Variants in ANO6 observed in about 807,000 individuals in gnomAD.
The protein encoded by ANO6 is anoctamin-6.
In ANO6, 106 loss-of-function variants were observed where a neutral mutation model predicts 117.5. The ratio of observed to expected loss-of-function variants is 0.90; its 90% CI spans 0.77 to 1.06. The LOEUF is 1.06. Ranked by LOEUF, ANO6 falls within the 50% of genes least tolerant of loss-of-function variation. The pLI, the probability that ANO6 is intolerant of heterozygous loss-of-function variation, is 0.00. For missense variants in ANO6, 955 were observed against 1,121.1 expected (o/e 0.85, Z 2.12); for synonymous variants, 367 against 385.1 (o/e 0.95, Z 0.55).
intron 3 of ANO6, among the ~76,000 whole-genome samples, chr12:45,344,044 G>C (rs1437359449): frequency 6.6e-6 from 1 of 152,150 alleles, no homozygotes; most frequent in African/African-American, 2.4e-5. Context: ...TGCTATAATG[G>C]ATGTGGGCTC....
intron 3 of ANO6, among the ~76,000 whole-genome samples, chr12:45,340,856 A>G (rs1224401804): frequency 6.6e-6 from 1 of 152,194 alleles, no homozygotes; most frequent in Non-Finnish European, 1.5e-5. Context: ...TTTCTTAAGT[A>G]AGCAGTCCTT....
intron 19 of ANO6, among the ~76,000 whole-genome samples, chr12:45,424,135 T>C (rs1943434599): frequency 6.6e-6 from 1 of 152,052 alleles, no homozygotes; most frequent in South Asian, 2.1e-4. Context: ...CACAGGTTTC[T>C]ATTTAAACAT....
chr12:45,317,434 C>T (rs1940087158), intron 2 of ANO6, among the ~76,000 whole-genome samples: 1 of 151,550 alleles, frequency 6.6e-6, no homozygotes, highest in Non-Finnish European at 1.5e-5. Flanking sequence ...AACCATGTCC[C>T]TGCAAAGGAC....
intron 1 of ANO6, among the ~76,000 whole-genome samples, chr12:45,298,334 G>T (rs970859830): frequency 4.6e-5 from 7 of 152,136 alleles, no homozygotes; most frequent in Non-Finnish European, 1.0e-4. Flanking sequence ...TATAAGGAAA[G>T]AAATGAAATT....
At position 45,431,685 on chromosome 12, in the gene ANO6, G is replaced by A; in HGVS notation, c.*2374G>A. Reference sequence around the variant, plus strand: ...AGTGAGTCCACGGCTGACTTGCAGTGATAAAGAAAAGCATGGAGCTGTGTC... The same window carrying A: ...AGTGAGTCCACGGCTGACTTGCAGTAATAAAGAAAAGCATGGAGCTGTGTC... On this transcript the variant is annotated 3_prime_UTR_variant, in exon 20 of 20. Transcript: ENST00000320560. The A allele has an allele frequency of 1.0e-6, 1 of 985,456 alleles. No homozygotes were observed. The highest frequency in any genetic ancestry group is 1.2e-6 in the Non-Finnish European group (1 of 829,938). The allele number at this position is 985,456 out of a possible 1,614,324, so 61.0% of individuals were successfully genotyped here. A position where few individuals can be genotyped will look rare whatever the true frequency, so the allele number is the denominator to read the frequency against.
In ANO6 at chr12:45,243,711, G is replaced by A. The variant is rs145364521; in HGVS notation, c.70+27320G>A. ...ATTACAGTCACCTGCCACCATGCCTGGCTAATTTTTGTGTTTTTTGTAGAG... is the reference window on the plus strand; with the variant it reads ...ATTACAGTCACCTGCCACCATGCCTAGCTAATTTTTGTGTTTTTTGTAGAG... On this transcript the variant is annotated intron_variant, in intron 1 of 19. Transcript: ENST00000320560. Among the ~76,000 whole-genome samples the A allele has an allele frequency of 1.7e-3, 253 of 152,196 alleles. 3 individuals are homozygous for A. The highest frequency in any genetic ancestry group is 1.4e-3 in the Non-Finnish European group (93 of 68,018).
chr12:45,285,611 C>G (rs891600811), intron 1 of ANO6, among the ~76,000 whole-genome samples: 1 of 152,072 alleles, frequency 6.6e-6, no homozygotes, highest in African/African-American at 2.4e-5. Context: ...CACCTGTAGT[C>G]CCAGCTACTC....
intron 1 of ANO6, among the ~76,000 whole-genome samples, chr12:45,301,312 C>G (rs950587607): frequency 2.0e-5 from 3 of 151,732 alleles, no homozygotes; most frequent in South Asian, 2.1e-4. Context: ...TTTAAAATAG[C>G]CAGGCATGGT....
At chr12:45,367,582 A>G (rs1301399054) in intron 8 of ANO6, 106 bp from the exon 9 acceptor site, 3 of 819,686 alleles carry the variant, frequency 3.7e-6, no homozygotes, top group South Asian at 1.7e-5. Context: ...TTCTGTTTCT[A>G]GTTTTACAAG....
At chr12:45,259,233 C>G (rs1051945631) in intron 1 of ANO6, among the ~76,000 whole-genome samples, 1 of 152,172 alleles carries the variant, frequency 6.6e-6, no homozygotes, top group African/African-American at 2.4e-5. Context: ...GCACATAGTA[C>G]AAGCTCAAGG....
Position 45,431,726 on chromosome 12 carries a change from C to T in ANO6, c.*2415C>T, listed in dbSNP as rs1034162040. The T allele has an allele frequency of 1.0e-6, 1 of 985,312 alleles. No individual in the cohort carries two copies. Among genetic ancestry groups the T allele is most frequent in the Non-Finnish European group, 1.2e-6 (1 of 829,968 alleles). The allele number at this position is 985,312 out of a possible 1,614,324, so 61.0% of individuals were successfully genotyped here. A position where few individuals can be genotyped will look rare whatever the true frequency, so the allele number is the denominator to read the frequency against. ...GAGCTGTGTCTGCAGACAATGGTGG[C>T]TGCATCTGTAAGTGGCTTCAGAGGC... On this transcript the variant is annotated 3_prime_UTR_variant, in exon 20 of 20. Transcript: ENST00000320560.
intron 18 of ANO6, among the ~76,000 whole-genome samples, chr12:45,422,661 A>C (rs1943394733): frequency 6.7e-6 from 1 of 149,348 alleles, no homozygotes; most frequent in Non-Finnish European, 1.5e-5. Context: ...TGCAACCTTC[A>C]CCTCTCGGGT....
intron 1 of ANO6, among the ~76,000 whole-genome samples, chr12:45,247,350 T>TA (rs1947841159): frequency 6.6e-6 from 1 of 152,220 alleles, no homozygotes; most frequent in Non-Finnish European, 1.5e-5. Context: ...TAATTATAAA[T>TA]ACGTGTATTG....
chr12:45,422,763 G>A (rs759513569), intron 18 of ANO6, among the ~76,000 whole-genome samples, 194 bp from the exon 19 acceptor site: 6 of 151,968 alleles, frequency 3.9e-5, no homozygotes, highest in African/African-American at 9.7e-5. Context: ...TAGTAGAGAC[G>A]GGGTTTTACC....
At chr12:45,365,988 C>T (rs1339097200) in intron 8 of ANO6, among the ~76,000 whole-genome samples, 1 of 152,174 alleles carries the variant, frequency 6.6e-6, no homozygotes, top group Non-Finnish European at 1.5e-5. Context: ...GAAAGCTTCC[C>T]ATTCCTATTT....
chr12:45,363,342 A>T (rs1013925898), intron 8 of ANO6, among the ~76,000 whole-genome samples: 1 of 152,112 alleles, frequency 6.6e-6, no homozygotes, highest in Admixed American at 6.6e-5. Flanking sequence ...AGGGTGGCAG[A>T]TCACGAGGTC....
chr12:45,221,217 C>G (rs1947394009), intron 1 of ANO6, among the ~76,000 whole-genome samples: 4 of 152,196 alleles, frequency 2.6e-5, no homozygotes, highest in African/African-American at 9.7e-5. Context: ...CTTCCCACAT[C>G]TGGTGATAAA....
rs115411582 is a variant in ANO6 at position 45,339,831 on chromosome 12, G to A, written c.280-7191G>A. ...TTGTAGGTTAAAAAAAGATTGGCAAGTTGAAAATACAATGACAGCACCATC... is the reference window on the plus strand; with the variant it reads ...TTGTAGGTTAAAAAAAGATTGGCAAATTGAAAATACAATGACAGCACCATC... On this transcript the variant is annotated intron_variant, in intron 3 of 19. Transcript: ENST00000320560. Among the ~76,000 whole-genome samples the A allele has an allele frequency of 6.0e-3, 920 of 152,160 alleles. 14 individuals are homozygous for A. The highest frequency in any genetic ancestry group is 0.021 in the African/African-American group (875 of 41,534).
chr12:45,296,588 A>G (rs1939301886), intron 1 of ANO6, among the ~76,000 whole-genome samples: 1 of 151,884 alleles, frequency 6.6e-6, no homozygotes, highest in Non-Finnish European at 1.5e-5. Context: ...TGAAGCAGTT[A>G]TTTGCTGATT....
Sources: allele counts gnomAD v4.1 joint callset (sites outside exome capture counted in the v4.1 genomes callset), GRCh38; gene constraint gnomAD v4.1.1; transcripts MANE v1.5; gene names NCBI Gene and HGNC (gene_info 2026-07-23, HGNC 2026-07-21).